Variants in CLASP1 observed in about 807,000 individuals in gnomAD.
CLASP1 encodes the protein CLIP-associating protein 1.
In CLASP1, 38 loss-of-function variants were observed where a neutral mutation model predicts 192.3. The observed-to-expected ratio is 0.20, with a 90% CI of 0.15 to 0.26. The LOEUF is 0.26. CLASP1 is among the 10% of genes least tolerant of loss of function. CLASP1 has a pLI of 1.00. For synonymous variants in CLASP1, 691 were observed against 712.8 expected (o/e 0.97, Z 0.49); for missense variants, 1,433 against 1,932.5 (o/e 0.74, Z 4.85).
At chr2:121,462,466 T>C (rs182883498) in intron 10 of CLASP1, 66 bp downstream of exon 10, 16 of 903,488 alleles carry the variant, frequency 1.8e-5, no homozygotes, top group Non-Finnish European at 2.8e-5. Context: ...TAGGCAGAAT[T>C]GAAAAATAAA....
intron 2 of CLASP1, among the ~76,000 whole-genome samples, chr2:121,566,197 G>C (rs1353530017): frequency 6.6e-6 from 1 of 152,138 alleles, no homozygotes; most frequent in Non-Finnish European, 1.5e-5. Flanking sequence ...TAGATGTGTG[G>C]GTGCAAAAAG....
intron 6 of CLASP1, 86 bp downstream of exon 6, chr2:121,525,759 C>A: frequency 1.2e-6 from 1 of 858,232 alleles, no homozygotes; most frequent in South Asian, 1.4e-5. Context: ...GATTAGGACT[C>A]CAGTCCCACC....
At chr2:121,596,880 C>T (rs2063203338) in intron 2 of CLASP1, among the ~76,000 whole-genome samples, 1 of 152,118 alleles carries the variant, frequency 6.6e-6, no homozygotes, top group South Asian at 2.1e-4. Context: ...TCTCATGTGC[C>T]CTCCCCGTTC....
At chr2:121,439,220 T>C (rs1384951172) in intron 19 of CLASP1, among the ~76,000 whole-genome samples, 2 of 151,842 alleles carry the variant, frequency 1.3e-5, no homozygotes, top group African/African-American at 2.4e-5. Flanking sequence ...TTCTTCTTTT[T>C]TTCTTTATTA....
chr2:121,634,594 T>C (rs1266612930), intron 1 of CLASP1, among the ~76,000 whole-genome samples: 1 of 152,150 alleles, frequency 6.6e-6, no homozygotes, highest in Non-Finnish European at 1.5e-5. Context: ...TCCAAACAAA[T>C]CCTCCTTTGG....
At chr2:121,461,636 T>C (rs2087977283) in intron 10 of CLASP1, among the ~76,000 whole-genome samples, 1 of 152,182 alleles carries the variant, frequency 6.6e-6, no homozygotes, top group Non-Finnish European at 1.5e-5. Context: ...TCTTGATGTA[T>C]GCTGGGAAGG....
chr2:121,529,779 C>T (rs1413195585), intron 3 of CLASP1, among the ~76,000 whole-genome samples: 1 of 152,180 alleles, frequency 6.6e-6, no homozygotes, highest in South Asian at 2.1e-4. Context: ...GAGAAAAATA[C>T]AACTGGCTTG....
intron 28 of CLASP1, among the ~76,000 whole-genome samples, chr2:121,401,125 T>C (rs1034192763): frequency 3.3e-5 from 5 of 152,198 alleles, no homozygotes; most frequent in Non-Finnish European, 5.9e-5. Flanking sequence ...CTCTACATCA[T>C]ACACCGATAG....
At chr2:121,536,249 C>T (rs1290745121) in intron 2 of CLASP1, among the ~76,000 whole-genome samples, 3 of 151,410 alleles carry the variant, frequency 2.0e-5, no homozygotes, top group Admixed American at 1.3e-4. Context: ...GGCGTTGTGA[C>T]GGGCACCTGT....
chr2:121,547,400 A>C (rs1575864279), intron 2 of CLASP1, among the ~76,000 whole-genome samples: 2 of 147,400 alleles, frequency 1.4e-5, no homozygotes, highest in African/African-American at 5.0e-5. Flanking sequence ...CCACCCCCCT[A>C]CTCTTCACCA....
At chr2:121,369,504 CAA>C (rs369594357) in intron 34 of CLASP1, among the ~76,000 whole-genome samples, 21 of 151,208 alleles carry the variant, frequency 1.4e-4, no homozygotes, top group African/African-American at 4.4e-4. Flanking sequence ...TTAAAAAAAA[CAA>C]AAAAAGAGAA....
intron 35 of CLASP1, 136 bp from the exon 37 acceptor site, chr2:121,365,420 C>A (rs1486588646): frequency 9.9e-6 from 8 of 811,060 alleles, no homozygotes; most frequent in African/African-American, 1.7e-5. Context: ...TCCCCTCCCA[C>A]CCTCCGCCCT....
intron 2 of CLASP1, among the ~76,000 whole-genome samples, chr2:121,604,301 A>G (rs2064149088): frequency 6.6e-6 from 1 of 152,250 alleles, no homozygotes; most frequent in Admixed American, 6.5e-5. Context: ...TGCCAAACAC[A>G]TAAGAAGCAA....
At chr2:121,479,808 T>C (rs960441794) in intron 8 of CLASP1, among the ~76,000 whole-genome samples, 3 of 152,020 alleles carry the variant, frequency 2.0e-5, no homozygotes, top group African/African-American at 7.2e-5. Context: ...GAAACAAAAA[T>C]CCCTCTCCCT....
intron 2 of CLASP1, among the ~76,000 whole-genome samples, chr2:121,568,822 C>T (rs894154931): frequency 3.9e-5 from 6 of 151,948 alleles, no homozygotes; most frequent in Non-Finnish European, 7.4e-5. Flanking sequence ...TTGGTCTTCC[C>T]CTACCTTCAC....
chr2:121,349,252 A>G (rs2063911897), intron 37 of CLASP1, among the ~76,000 whole-genome samples: 1 of 148,336 alleles, frequency 6.7e-6, no homozygotes, highest in Admixed American at 6.7e-5. Flanking sequence ...AAAAAAAAAG[A>G]AAAGAAAAGA....
At chr2:121,643,381 C>A (rs1445234399) in intron 1 of CLASP1, among the ~76,000 whole-genome samples, 2 of 152,108 alleles carry the variant, frequency 1.3e-5, no homozygotes, top group Non-Finnish European at 2.9e-5. Flanking sequence ...AGCTAGGAAA[C>A]AGCATGGTTC....
intron 26 of CLASP1, chr2:121,402,549 A>G (rs753695996): frequency 3.9e-6 from 2 of 513,756 alleles, no homozygotes; most frequent in Non-Finnish European, 7.8e-6. Flanking sequence ...GGCTTCACTT[A>G]CAGGCAGCTA....
At chr2:121,574,156 C>T (rs1274988479) in intron 2 of CLASP1, among the ~76,000 whole-genome samples, 1 of 151,998 alleles carries the variant, frequency 6.6e-6, no homozygotes, top group Non-Finnish European at 1.5e-5. Context: ...AGTGAAACCC[C>T]GTCTCTACTA....
Sources: gnomAD v4.1 joint callset for allele counts (sites outside exome capture counted in the v4.1 genomes callset) on GRCh38, gnomAD v4.1.1 for gene constraint, MANE v1.5 for transcripts, NCBI Gene and HGNC (gene_info 2026-07-23, HGNC 2026-07-21) for gene names.